Variants in CEP85L observed in about 807,000 individuals in gnomAD.
The protein encoded by CEP85L is centrosomal protein 85L.
Under a neutral mutation model 100.3 loss-of-function variants are expected in CEP85L, and 60 were observed. The observed-to-expected ratio is 0.60, with a 90% CI of 0.49 to 0.74. The LOEUF (loss-of-function observed/expected upper bound fraction) is 0.74, where lower values mean the gene tolerates loss of function less well. Ranked by LOEUF, CEP85L falls within the 30% of genes least tolerant of loss-of-function variation. The pLI is 0.00. For synonymous variants in CEP85L, 319 were observed against 322.7 expected (o/e 0.99, Z 0.12); for missense variants, 973 against 936.2 (o/e 1.04, Z -0.51).
chr6:118,527,012 T>TC (rs1171422138), intron 3 of CEP85L, among the ~76,000 whole-genome samples: 3 of 144,506 alleles, frequency 2.1e-5, no homozygotes, highest in Non-Finnish European at 4.6e-5. Context: ...CTTTTTTTTT[T>TC]TTTTTTTTTT....
At position 118,632,963 on chromosome 6, in the gene CEP85L, A is replaced by G. The variant is rs141915116; in HGVS notation, c.74-352T>C. 2.1e-3 allele frequency among the ~76,000 whole-genome samples: 325 copies of G among 152,332 alleles called. 10 individuals are homozygous for G. In the East Asian group the frequency reaches 0.034, roughly 16 times the overall value. Reference sequence around the variant, plus strand: ...TGATAGGTGGCATCTGTGATTATACATACATGCGTTAGCTGAAAATCAGGG... The same window carrying G: ...TGATAGGTGGCATCTGTGATTATACGTACATGCGTTAGCTGAAAATCAGGG... On this transcript the variant is annotated intron_variant, in intron 1 of 12. Coordinates refer to ENST00000368491, the MANE Select transcript of CEP85L (RefSeq NM_001042475.3).
intron 3 of CEP85L, among the ~76,000 whole-genome samples, chr6:118,541,698 G>C (rs542877351): frequency 6.6e-6 from 1 of 152,242 alleles, no homozygotes; most frequent in African/African-American, 2.4e-5. Flanking sequence ...TAAAAGCTCA[G>C]ATCTACATTA....
intron 3 of CEP85L, among the ~76,000 whole-genome samples, chr6:118,555,425 CAA>C (rs200889385): frequency 2.6e-5 from 3 of 116,366 alleles, no homozygotes; most frequent in Admixed American, 9.3e-5. Flanking sequence ...AAGACTGTCT[CAA>C]AAAAAAAAAA....
chr6:118,533,737 C>CTA (rs1373576835), intron 3 of CEP85L, among the ~76,000 whole-genome samples: 1 of 152,164 alleles, frequency 6.6e-6, no homozygotes, highest in Non-Finnish European at 1.5e-5. Flanking sequence ...AGACATAGAG[C>CTA]TATACATAGA....
chr6:118,527,241 G>C (rs1777029495), intron 3 of CEP85L, among the ~76,000 whole-genome samples: 1 of 151,714 alleles, frequency 6.6e-6, no homozygotes, highest in Admixed American at 6.6e-5. Context: ...CCAACTTCAG[G>C]TGATCTGCCC....
chr6:118,651,861 C>G, upstream of CEP85L: 1 of 985,598 alleles, frequency 1.0e-6, no homozygotes, highest in Non-Finnish European at 1.2e-6. Context: ...CGATACTCGC[C>G]CCTCCCTTGG....
intron 3 of CEP85L, among the ~76,000 whole-genome samples, chr6:118,539,460 C>T (rs892142463): frequency 5.3e-5 from 8 of 152,224 alleles, no homozygotes; most frequent in African/African-American, 1.7e-4. Flanking sequence ...AAAGAAATTG[C>T]CTCATTTCTC....
chr6:118,578,738 A>G (rs1780391602), intron 2 of CEP85L, among the ~76,000 whole-genome samples: 1 of 152,198 alleles, frequency 6.6e-6, no homozygotes, highest in South Asian at 2.1e-4. Context: ...AAAAAAAATA[A>G]ATAAATAAAA....
intron 5 of CEP85L, among the ~76,000 whole-genome samples, chr6:118,497,601 C>G (rs181546977): frequency 6.6e-6 from 1 of 152,136 alleles, no homozygotes; most frequent in Non-Finnish European, 1.5e-5. Context: ...TCCTCAAAAC[C>G]AGACCCTGGT....
chr6:118,559,156 A>G (rs916772841), intron 3 of CEP85L: 1 of 1,078,552 alleles, frequency 9.3e-7, no homozygotes, highest in Non-Finnish European at 1.4e-6. Flanking sequence ...ACAGGAAAAC[A>G]ATATTGTATA....
chr6:118,611,795 A>G (rs756572489), intron 2 of CEP85L, among the ~76,000 whole-genome samples: 1 of 152,236 alleles, frequency 6.6e-6, no homozygotes, highest in Non-Finnish European at 1.5e-5. Flanking sequence ...CGACAGACCA[A>G]GAAGTAATAG....
intron 1 of CEP85L, 56 bp downstream of exon 1, chr6:118,651,141 G>A (rs1583226956): frequency 1.4e-6 from 2 of 1,457,578 alleles, no homozygotes; most frequent in East Asian, 3.0e-5. Context: ...GAGGTCCCGA[G>A]GCGCCGCGGT....
At chr6:118,673,919 C>T (rs908214597) in intron 1 of CEP85L, among the ~76,000 whole-genome samples, 16 of 152,154 alleles carry the variant, frequency 1.1e-4, no homozygotes, top group Non-Finnish European at 1.6e-4. Context: ...TTAGAAAAAT[C>T]TCTAAATCTT....
At chr6:118,625,505 A>C (rs1773731258) in intron 2 of CEP85L, among the ~76,000 whole-genome samples, 1 of 152,216 alleles carries the variant, frequency 6.6e-6, no homozygotes, top group Non-Finnish European at 1.5e-5. Flanking sequence ...GATGATATGG[A>C]ATGGGTTGCC....
chr6:118,502,676 AT>A (rs1775385092), intron 5 of CEP85L: 1 of 466,590 alleles, frequency 2.1e-6, no homozygotes, highest in East Asian at 4.0e-5. Context: ...CTCAATGAGC[AT>A]TTGAACACCT....
At chr6:118,552,191 A>G (rs1778587851) in intron 3 of CEP85L, among the ~76,000 whole-genome samples, 1 of 152,026 alleles carries the variant, frequency 6.6e-6, no homozygotes. Flanking sequence ...CATGTTTACT[A>G]AAAGAATAAA....
At chr6:118,519,433 T>C (rs922912322) in intron 4 of CEP85L, among the ~76,000 whole-genome samples, 2 of 3,394 alleles carry the variant, frequency 5.9e-4, no homozygotes, top group South Asian at 0.017. Context: ...AGCAAAACTC[T>C]GTGTGTGTGT....
At chr6:118,517,730 C>A (rs901046576) in intron 4 of CEP85L, among the ~76,000 whole-genome samples, 2 of 152,188 alleles carry the variant, frequency 1.3e-5, no homozygotes, top group East Asian at 1.9e-4. Flanking sequence ...ACTTTTATTT[C>A]TTTCTCTTGC....
chr6:118,490,809 T>C (rs764750554), intron 6 of CEP85L, among the ~76,000 whole-genome samples: 29 of 152,164 alleles, frequency 1.9e-4, no homozygotes, highest in Middle Eastern at 3.4e-3. Context: ...CTCAAAGACA[T>C]TGAATAAAAG....
Sources: allele counts gnomAD v4.1 joint callset (sites outside exome capture counted in the v4.1 genomes callset), GRCh38; gene constraint gnomAD v4.1.1; transcripts MANE v1.5; gene names NCBI Gene and HGNC (gene_info 2026-07-23, HGNC 2026-07-21).